The following FBXO27 variants were observed in gnomAD, a reference collection of about 807,000 sequenced individuals.
The protein encoded by FBXO27 is F-box protein 27, also known as F-box only protein 27.
In FBXO27, 28 loss-of-function variants were observed where a neutral mutation model predicts 28.3. That is an observed-to-expected ratio of 0.99 (90% CI 0.73 to 1.36). FBXO27 has a LOEUF of 1.36. Among genes scored for constraint, FBXO27 ranks in the 40% most tolerant of loss-of-function variants. The pLI is 0.00. For synonymous variants in FBXO27, 175 were observed against 167.3 expected (o/e 1.05, Z -0.36); for missense variants, 388 against 394.1 (o/e 0.98, Z 0.13).
At chr19:39,015,679 A>G (rs774973070) in intron 1 of FBXO27, among the ~76,000 whole-genome samples, 1 of 152,206 alleles carries the variant, frequency 6.6e-6, no homozygotes, top group Non-Finnish European at 1.5e-5. Flanking sequence ...AACCTTAACT[A>G]CATATCACTA....
chr19:39,021,121 C>T (rs886509252), downstream of FBXO27, among the ~76,000 whole-genome samples: 4 of 152,186 alleles, frequency 2.6e-5, no homozygotes, highest in African/African-American at 9.6e-5. Context: ...GCTGGGATTA[C>T]AGATGGGAGC....
intron 5 of FBXO27, 93 bp downstream of exon 5, chr19:39,026,777 G>A: frequency 1.9e-6 from 3 of 1,567,462 alleles, no homozygotes; most frequent in Non-Finnish European, 2.6e-6. Flanking sequence ...CAGCCAGACT[G>A]TCACTGATTT....
intron 4 of FBXO27, among the ~76,000 whole-genome samples, chr19:39,028,368 A>G (rs2072884307): frequency 1.3e-5 from 2 of 152,176 alleles, no homozygotes; most frequent in South Asian, 4.1e-4. Context: ...GGAGCCACTG[A>G]TTATCACAAT....
intron 2 of FBXO27, among the ~76,000 whole-genome samples, chr19:39,012,959 CAAAA>C (rs1324148130): frequency 8.0e-6 from 1 of 125,770 alleles, no homozygotes; most frequent in Non-Finnish European, 1.8e-5. Context: ...GACCCTGTCT[CAAAA>C]CAAACAAACA....
At chr19:39,020,706 T>C (rs2072840930), downstream of FBXO27, among the ~76,000 whole-genome samples, 1 of 128,838 alleles carries the variant, frequency 7.8e-6, no homozygotes, top group Admixed American at 8.7e-5. Flanking sequence ...CCTCACAGGA[T>C]TTATAACAGA....
At chr19:39,028,687 A>G (rs1329611800) in intron 4 of FBXO27, among the ~76,000 whole-genome samples, 5 of 152,058 alleles carry the variant, frequency 3.3e-5, no homozygotes, top group Non-Finnish European at 7.4e-5. Context: ...ACGTGGCCAA[A>G]CCCCGTCTCT....
At chr19:39,018,050 C>T (rs966552588) in intron 1 of FBXO27, among the ~76,000 whole-genome samples, 25 of 152,082 alleles carry the variant, frequency 1.6e-4, no homozygotes, top group Non-Finnish European at 2.2e-4. Context: ...GGTGCGATCT[C>T]GCTCGCTGCA....
chr19:39,026,975 C>T lies in FBXO27; in HGVS notation c.603G>A (p.Met201Ile), dbSNP rs767582463. Reference sequence around the variant, plus strand: ...CTAGAAGTTGGACGAGGAGTCTGTACATACAGCCGCTGTCGTGTCGGGCTC... The same window carrying T: ...CTAGAAGTTGGACGAGGAGTCTGTATATACAGCCGCTGTCGTGTCGGGCTC... ...WWGARHDSGC[M>I]YRLLVQLLDA... is the part of the protein sequence containing the mutation. Residue 201 changes from methionine to isoleucine, a missense_variant, in exon 5 of 6, where the codon ATG becomes ATA. Coordinates refer to ENST00000292853, the MANE Select transcript of FBXO27 (RefSeq NM_178820.5). 1 of 1,614,208 alleles carries T rather than the reference C, an allele frequency of 6.2e-7. No homozygotes were observed. The highest frequency in any genetic ancestry group is 8.5e-7 in the Non-Finnish European group (1 of 1,180,042).
At chr19:39,023,171 A>G (rs1054760301), downstream of FBXO27, among the ~76,000 whole-genome samples, 1 of 152,070 alleles carries the variant, frequency 6.6e-6, no homozygotes, top group African/African-American at 2.4e-5. Flanking sequence ...ACTGACCTCA[A>G]GTGATCCACC....
chr19:39,025,220 G>T lies in FBXO27; in HGVS notation c.*191C>A. 1.4e-6 allele frequency: 1 copy of T among 706,354 alleles called. No individual in the cohort carries two copies. The highest frequency in any genetic ancestry group is 3.2e-5 in the Admixed American group (1 of 31,634). The allele number at this position is 706,354 out of a possible 1,614,324, so 43.8% of individuals were successfully genotyped here. On this transcript the variant is annotated 3_prime_UTR_variant, in exon 6 of 6. Transcript: ENST00000292853. ...AGCAGCAGCTGCAGTAGGTAGATAAGATGGAAGAAGCTTCTTCTGGTAGTT... is the reference window on the plus strand; with the variant it reads ...AGCAGCAGCTGCAGTAGGTAGATAATATGGAAGAAGCTTCTTCTGGTAGTT...
At chr19:39,023,186 G>A (rs532391179), downstream of FBXO27, among the ~76,000 whole-genome samples, 79 of 152,200 alleles carry the variant, frequency 5.2e-4, no homozygotes, top group Non-Finnish European at 9.6e-4. Context: ...TCCACCTGCC[G>A]CGGTCCCCCA....
chr19:39,018,219 G>T (rs1261936652), intron 1 of FBXO27, among the ~76,000 whole-genome samples: 1 of 152,076 alleles, frequency 6.6e-6, no homozygotes, highest in Non-Finnish European at 1.5e-5. Context: ...CACAGACTTT[G>T]CATGGTACCA....
chr19:39,026,457 G>A (rs112321461), intron 5 of FBXO27, among the ~76,000 whole-genome samples: 92 of 152,192 alleles, frequency 6.0e-4, no homozygotes, highest in African/African-American at 2.0e-3. Flanking sequence ...CAGAAATCAC[G>A]AGAGGTAGTC....
At position 39,024,544 on chromosome 19, in the gene FBXO27, A is replaced by T. The variant is rs1233878635; in HGVS notation, c.*867T>A. 2 of 151,396 alleles carry T rather than the reference A, an allele frequency of 1.3e-5. No individual in the cohort carries two copies. The highest frequency in any genetic ancestry group is 2.9e-5 in the Non-Finnish European group (2 of 68,128). 9.4% of individuals were successfully genotyped at this position (151,396 alleles called of 1,614,324 possible). A position where few individuals can be genotyped will look rare whatever the true frequency, so the allele number is the denominator to read the frequency against. ...CTGATCCAAACTTTTTCTTTTTGAG[A>T]CGGAGTCTCGCTGTGTTGCCCAGGC... is the stretch of plus-strand genomic sequence containing the variant. On this transcript the variant is annotated 3_prime_UTR_variant, in exon 6 of 6. Coordinates refer to ENST00000292853, the MANE Select transcript of FBXO27 (RefSeq NM_178820.5).
chr19:39,006,782 C>G (rs889222689), intron 2 of FBXO27, among the ~76,000 whole-genome samples: 1 of 151,750 alleles, frequency 6.6e-6, no homozygotes, highest in East Asian at 2.0e-4. Context: ...AACACACACA[C>G]GAAATATAAT....
rs755179840 is a variant in FBXO27, at chr19:39,025,409, G to A, written c.*2C>T. ...CTGTCTTGCAAGAAGGGTAGTGCTG[G>A]ACTAGGACAGACGGACTCGCACGAT... is the stretch of plus-strand genomic sequence containing the variant. On this transcript the variant is annotated 3_prime_UTR_variant, in exon 6 of 6. Coordinates refer to ENST00000292853, the MANE Select transcript of FBXO27 (RefSeq NM_178820.5). 3.7e-6 allele frequency: 6 copies of A among 1,612,742 alleles called. No individual in the cohort carries two copies. Among genetic ancestry groups the A allele is most frequent in the Non-Finnish European group, 4.2e-6 (5 of 1,179,540 alleles).
chr19:39,008,264 C>CA (rs567620173), intron 2 of FBXO27, among the ~76,000 whole-genome samples: 13,289 of 98,608 alleles, frequency 0.13, 759 homozygotes, highest in Non-Finnish European at 0.17. Context: ...GACTCTGTCT[C>CA]AAAAAAAAAA....
Position 39,032,261 on chromosome 19 carries a change from A to C in FBXO27, c.-26-8T>G. 1.4e-6 allele frequency: 2 copies of C among 1,411,374 alleles called. No homozygotes were observed. The highest frequency in any genetic ancestry group is 1.8e-6 in the Non-Finnish European group (2 of 1,091,976). 87.4% of individuals were successfully genotyped at this position (1,411,374 alleles called of 1,614,324 possible). On this transcript the variant is annotated splice_region_variant and splice_polypyrimidine_tract_variant and intron_variant, in intron 1 of 5. Transcript: ENST00000292853. This position sits in a 1 kb window ranked among gnomAD's most constrained non-coding sequence, Gnocchi z 4.7. ...CGCCAGGCCCGGCTGTGGCTGCGGG[A>C]GAGGAAGGGTCAAGGCGTCAGGGAC... is the stretch of plus-strand genomic sequence containing the variant.
chr19:39,030,558 T>C (rs544485236), intron 4 of FBXO27: 11 of 175,232 alleles, frequency 6.3e-5, no homozygotes, highest in Non-Finnish European at 1.2e-4. Flanking sequence ...GTGTGTACTC[T>C]GCTAATTACT....
Sources: gnomAD v4.1 joint callset for allele counts (sites outside exome capture counted in the v4.1 genomes callset) on GRCh38, gnomAD v4.1.1 for gene constraint, Gnocchi (gnomAD v3.1) non-coding constraint, MANE v1.5 for transcripts, NCBI Gene and HGNC (gene_info 2026-07-23, HGNC 2026-07-21) for gene names.